TMEM253: variants seen among roughly 807,000 people sequenced by gnomAD.
TMEM253 encodes transmembrane protein 253, also known as transmembrane protein C14orf176.
TMEM253 carries 22 observed loss-of-function variants against 20.3 expected under a neutral mutation model. That is an observed-to-expected ratio of 1.08 (90% CI 0.78 to 1.55). TMEM253 has a LOEUF of 1.55. TMEM253 is among the 40% of genes most tolerant of loss of function. The pLI, the probability that TMEM253 is intolerant of heterozygous loss-of-function variation, is 0.00. For missense variants in TMEM253, 251 were observed against 266.1 expected (o/e 0.94, Z 0.39); for synonymous variants, 92 against 102.6 (o/e 0.90, Z 0.62).
At chr14:21,101,843 A>G (rs772902600) in intron 2 of TMEM253, 22 bp from the exon 3 acceptor site, 10 of 1,542,006 alleles carry the variant, frequency 6.5e-6, no homozygotes, top group South Asian at 3.6e-5. Context: ...TTCCTCCCCA[A>G]TTACCCTACC....
upstream of TMEM253, among the ~76,000 whole-genome samples, chr14:21,099,435 A>G (rs1474335269): frequency 6.6e-6 from 1 of 152,170 alleles, no homozygotes; most frequent in Non-Finnish European, 1.5e-5. Context: ...ATTGAGGAGG[A>G]GTAGACACAC....
At chr14:21,098,888 C>A, upstream of TMEM253, 1 of 1,279,054 alleles carries the variant, frequency 7.8e-7, no homozygotes. Flanking sequence ...GGTTTTATCT[C>A]AAAGCCTCTC....
chr14:21,103,559 C>G, exon 7 of TMEM253: 1 of 337,438 alleles, frequency 3.0e-6, no homozygotes, highest in Non-Finnish European at 5.5e-6. Context: ...ATCCCATCCA[C>G]TCCAAATCCC....
chr14:21,103,001 G>A (rs1204609373), intron 6 of TMEM253, 138 bp from the exon 7 acceptor site: 1 of 1,440,704 alleles, frequency 6.9e-7, no homozygotes, highest in Non-Finnish European at 9.4e-7. Context: ...GAGTGGGAAA[G>A]CATTAGGAAG....
intron 2 of TMEM253, 122 bp from the exon 3 acceptor site, chr14:21,101,743 G>C: frequency 1.3e-6 from 1 of 768,922 alleles, no homozygotes; most frequent in East Asian, 2.7e-5. Context: ...CCTTGCTCTG[G>C]GTTGACTGCT....
chr14:21,102,200 G>T, intron 4 of TMEM253, 80 bp downstream of exon 4: 1 of 1,476,794 alleles, frequency 6.8e-7, no homozygotes, highest in South Asian at 1.3e-5. Flanking sequence ...GAAGTAAGTG[G>T]CTAAGTGTTG....
At chr14:21,103,296 CA>C (rs1312750763) in exon 7 of TMEM253, 7 of 1,538,180 alleles carry the variant, frequency 4.6e-6, no homozygotes, top group Non-Finnish European at 5.3e-6. Flanking sequence ...CCCACCCCAC[CA>C]AACTCAGAAG....
At chr14:21,101,263 T>C (rs4982407) in intron 1 of TMEM253, 45 bp from the exon 2 acceptor site, 52,111 of 1,298,384 alleles carry the variant, frequency 0.04, 1,811 homozygotes, top group Admixed American at 0.18. Context: ...CGTTGTTGCA[T>C]GTCCTGTCTC....
chr14:21,101,686 T>TA, intron 2 of TMEM253, 179 bp from the exon 3 acceptor site: 1 of 652,736 alleles, frequency 1.5e-6, no homozygotes, highest in Admixed American at 2.9e-5. Context: ...TAAACTACAA[T>TA]ATGAGGCAGA....
In TMEM253 at chr14:21,103,137, A is replaced by G. The variant is rs1889754538; in HGVS notation, c.535-2A>G. ...TTGCTCACACCTGTCTCTGGTTTTC[A>G]GGGCTTCTCTGAGTTGGAAGAGGTT... On this transcript the variant is annotated splice_acceptor_variant, in intron 6 of 6. Coordinates refer to ENST00000556585, the Ensembl canonical transcript of TMEM253. LOFTEE classifies it high-confidence loss of function. 1 of 1,551,540 alleles carries G rather than the reference A, an allele frequency of 6.4e-7. No individual in the cohort carries two copies.
chr14:21,103,266 C>T (rs140414254), exon 7 of TMEM253: 2 of 1,550,266 alleles, frequency 1.3e-6, no homozygotes, highest in African/African-American at 1.4e-5. Context: ...TGAGAGAATG[C>T]TCTCCAGACA....
chr14:21,102,063 G>C lies in TMEM253; in HGVS notation c.220-1G>C. The C allele has an allele frequency of 6.4e-7, 1 of 1,551,358 alleles. No individual in the cohort carries two copies. The highest frequency in any genetic ancestry group is 8.7e-7 in the Non-Finnish European group (1 of 1,146,784). ...CAACACTTGCCCTTCTCACCATTCA[G>C]GGTCTCCTCACTGGGACTGTCACTC... is the stretch of plus-strand genomic sequence containing the variant. On this transcript the variant is annotated splice_acceptor_variant, in intron 3 of 6. Coordinates refer to ENST00000556585, the Ensembl canonical transcript of TMEM253. LOFTEE classifies it high-confidence loss of function.
Position 21,102,513 on chromosome 14 carries a change from C to T in TMEM253, c.385C>T (p.Gln129Ter), listed in dbSNP as rs1393386273. 6.4e-7 allele frequency: 1 copy of T among 1,551,620 alleles called. No individual in the cohort carries two copies. Among genetic ancestry groups the T allele is most frequent in the African/African-American group, 1.4e-5 (1 of 73,030 alleles). The stretch of plus-strand genomic sequence containing the variant: ...GGGGCCTGCCCCAACTGCCTCCTCC[C>T]AGGTACTGGTCAATGAAGGAGAAGG... The change falls in exon 5 of 7, where the codon CAG (glutamine) becomes TAG (stop). Residue 129 changes from glutamine to a stop codon, truncating the protein, a stop_gained and splice_region_variant. Coordinates refer to ENST00000556585, the Ensembl canonical transcript of TMEM253. LOFTEE classifies it high-confidence loss of function.
intron 2 of TMEM253, 137 bp from the exon 3 acceptor site, chr14:21,101,728 C>T: frequency 2.8e-6 from 2 of 707,284 alleles, no homozygotes; most frequent in Non-Finnish European, 4.7e-6. Context: ...TTTTAATGAT[C>T]ACGTCCTTGC....
At chr14:21,102,752 G>T (rs374138523) in exon 6 of TMEM253, 1 of 1,550,946 alleles carries the variant, frequency 6.4e-7, no homozygotes, top group East Asian at 2.4e-5. Flanking sequence ...GCAGGAGCCA[G>T]AGTCTGCACT....
At chr14:21,102,511 C>T in exon 5 of TMEM253, 2 of 1,551,712 alleles carry the variant, frequency 1.3e-6, no homozygotes, top group Middle Eastern at 1.7e-4. Context: ...ACTGCCTCCT[C>T]CCAGGTACTG....
At chr14:21,103,253 C>T (rs1165485062) in exon 7 of TMEM253, 1 of 1,551,330 alleles carries the variant, frequency 6.4e-7, no homozygotes, top group South Asian at 1.2e-5. Context: ...TCTCCTTCCA[C>T]CCTGAGAGAA....
At chr14:21,103,441 C>G (rs1889778882) in exon 7 of TMEM253, 1 of 992,316 alleles carries the variant, frequency 1.0e-6, no homozygotes, top group African/African-American at 1.6e-5. Flanking sequence ...ACCTCACCAC[C>G]CTGAAAAGCT....
chr14:21,099,177 T>C (rs143814256), upstream of TMEM253: 28 of 189,042 alleles, frequency 1.5e-4, no homozygotes, highest in East Asian at 4.4e-3. Flanking sequence ...TTCCAGGCGA[T>C]TGTAGTCTAG....
Sources: gnomAD v4.1 joint callset for allele counts (sites outside exome capture counted in the v4.1 genomes callset) on GRCh38, gnomAD v4.1.1 for gene constraint, MANE v1.5 for transcripts, NCBI Gene and HGNC (gene_info 2026-07-23, HGNC 2026-07-21) for gene names.